The following CACNA1C variants were observed in gnomAD, a reference collection of about 807,000 sequenced individuals.
CACNA1C encodes voltage-dependent L-type calcium channel subunit alpha-1C.
A neutral mutation model predicts 229.0 loss-of-function variants in CACNA1C; 30 were observed. The observed-to-expected ratio is 0.13, with a 90% CI of 0.10 to 0.18. The LOEUF is 0.18. CACNA1C is among the 10% of genes least tolerant of loss of function. The probability of loss-of-function intolerance (pLI) is 1.00; values close to 1 mark genes in which losing one functional copy is unlikely to be tolerated. For synonymous variants in CACNA1C, 1,114 were observed against 1,132.5 expected (o/e 0.98, Z 0.33); for missense variants, 1,658 against 2,845.0 (o/e 0.58, Z 9.49).
chr12:2,626,292 G>C (rs1375614007), intron 29 of CACNA1C, among the ~76,000 whole-genome samples: 1 of 152,172 alleles, frequency 6.6e-6, no homozygotes, highest in Non-Finnish European at 1.5e-5. Context: ...GTGACAGGAT[G>C]GGCTGTGGGA....
chr12:2,545,580 T>C (rs2099879631), intron 9 of CACNA1C, among the ~76,000 whole-genome samples: 1 of 152,160 alleles, frequency 6.6e-6, no homozygotes, highest in Non-Finnish European at 1.5e-5. Context: ...TAACATCCTT[T>C]CCATAGTCTA....
chr12:2,077,166 GAGTTTC>G (rs1271484648), intron 1 of CACNA1C, among the ~76,000 whole-genome samples: 1 of 152,264 alleles, frequency 6.6e-6, no homozygotes, highest in Non-Finnish European at 1.5e-5. Flanking sequence ...AGGTTGATGA[GAGTTTC>G]AGGCATGTTG....
chr12:2,050,358 G>T (rs1382032965), upstream of CACNA1C, among the ~76,000 whole-genome samples: 1 of 152,184 alleles, frequency 6.6e-6, no homozygotes. Context: ...GTAAAATGGG[G>T]ATAATCATGA....
At chr12:1,996,527 G>A (rs2040826847) in intron 1 of CACNA1C, among the ~76,000 whole-genome samples, 1 of 146,186 alleles carries the variant, frequency 6.8e-6, no homozygotes, top group African/African-American at 2.5e-5. Flanking sequence ...AAGCAGGGGT[G>A]TCCAATCTTT....
chr12:2,594,004 C>A (rs1265306463), intron 19 of CACNA1C, among the ~76,000 whole-genome samples: 4 of 152,230 alleles, frequency 2.6e-5, no homozygotes, highest in African/African-American at 9.6e-5. Flanking sequence ...CGATTTTAGA[C>A]AGACAATTTT....
intron 3 of CACNA1C, among the ~76,000 whole-genome samples, chr12:2,347,669 T>A (rs1417001106): frequency 6.6e-6 from 1 of 152,172 alleles, no homozygotes; most frequent in African/African-American, 2.4e-5. Flanking sequence ...GCCTTTGGGA[T>A]TTGTGGGAGG....
rs1035483143 is a variant in CACNA1C, at chr12:2,550,165, A to G, written c.1481+132A>G. ...GATTAGAGCCGGTGGCAAGAAACAAACCTCAGGTGGGAACCAAGATGGGGA... is the reference window on the plus strand; with the variant it reads ...GATTAGAGCCGGTGGCAAGAAACAAGCCTCAGGTGGGAACCAAGATGGGGA... On this transcript the variant is annotated intron_variant, in intron 10 of 46. Transcript: ENST00000399655. 9.7e-6 allele frequency: 7 copies of G among 725,168 alleles called. No homozygotes were observed. In the African/African-American group the frequency reaches 1.2e-4, roughly 13 times the overall value. The allele number at this position is 725,168 out of a possible 1,614,324, so 44.9% of individuals were successfully genotyped here. A position where few individuals can be genotyped will look rare whatever the true frequency, so the allele number is the denominator to read the frequency against.
At chr12:2,097,312 AT>A (rs767996541) in intron 1 of CACNA1C, among the ~76,000 whole-genome samples, 74 of 151,636 alleles carry the variant, frequency 4.9e-4, no homozygotes, top group East Asian at 1.8e-3. Flanking sequence ...CGCCCAGCTA[AT>A]TTTTTTGTAT....
At chr12:2,543,644 A>G (rs1470363423) in intron 9 of CACNA1C, among the ~76,000 whole-genome samples, 3 of 152,228 alleles carry the variant, frequency 2.0e-5, no homozygotes, top group Non-Finnish European at 2.9e-5. Flanking sequence ...TTTTTATTTC[A>G]GAAAGGAACC....
At position 2,069,625 on chromosome 12, in the gene CACNA1C, G is replaced by A. The variant is rs774889987; in HGVS notation, c.49+16014G>A. On this transcript the variant is annotated intron_variant, in intron 1 of 46. Coordinates refer to ENST00000399655, the MANE Select transcript of CACNA1C (RefSeq NM_000719.7). ...TGTTCGAACCATTTAATTTTCCCAT[G>A]TCTAGGATTCTGCATCTGACCTTCC... Among the ~76,000 whole-genome samples, 51 of 152,176 alleles carry A rather than the reference G, an allele frequency of 3.4e-4. 1 individual carries two copies. Among genetic ancestry groups the A allele is most frequent in the Non-Finnish European group, 4.4e-5 (3 of 68,042 alleles).
At chr12:2,339,577 CTCTT>C (rs555495123) in intron 3 of CACNA1C, among the ~76,000 whole-genome samples, 37 of 152,296 alleles carry the variant, frequency 2.4e-4, no homozygotes, top group African/African-American at 8.2e-4. Context: ...CAAAAATACT[CTCTT>C]TATATCCTTT....
chr12:2,068,669 T>C (rs1347911110), intron 1 of CACNA1C, among the ~76,000 whole-genome samples: 1 of 152,234 alleles, frequency 6.6e-6, no homozygotes, highest in African/African-American at 2.4e-5. Flanking sequence ...TAGTCTTCTG[T>C]GTGCCTTGCC....
At chr12:2,446,961 C>T (rs2099301001) in intron 3 of CACNA1C, among the ~76,000 whole-genome samples, 1 of 152,152 alleles carries the variant, frequency 6.6e-6, no homozygotes, top group Non-Finnish European at 1.5e-5. Context: ...GGATACCCAA[C>T]TTGTGTGTTT....
At chr12:2,323,767 G>A (rs939130527) in intron 3 of CACNA1C, among the ~76,000 whole-genome samples, 3 of 152,192 alleles carry the variant, frequency 2.0e-5, no homozygotes, top group Non-Finnish European at 1.5e-5. Flanking sequence ...TAACTTCAGG[G>A]TGGGTCTAAT....
At chr12:2,260,292 A>G (rs541155776) in intron 3 of CACNA1C, among the ~76,000 whole-genome samples, 10 of 152,050 alleles carry the variant, frequency 6.6e-5, no homozygotes, top group Non-Finnish European at 1.3e-4. Flanking sequence ...CCTGGGCAAG[A>G]TGGTGGGACC....
intron 3 of CACNA1C, among the ~76,000 whole-genome samples, chr12:2,170,790 C>T (rs1012279554): frequency 1.3e-5 from 2 of 152,240 alleles, no homozygotes; most frequent in Admixed American, 6.5e-5. Context: ...TACCTCAGTA[C>T]GTACCACAAT....
rs572741120 is a variant in CACNA1C, at chr12:2,125,704, G to A, written c.477+5274G>A. On this transcript the variant is annotated intron_variant, in intron 3 of 46. Transcript: ENST00000399655. ...TTGAATTTTTAATAAGCTCCCCTGG[G>A]GTTCTGATGCAAGTGGTCCTGGGCT... Among the ~76,000 whole-genome samples, 293 of 152,182 alleles carry A rather than the reference G, an allele frequency of 1.9e-3. 2 individuals are homozygous for A. Among genetic ancestry groups the A allele is most frequent in the African/African-American group, 6.6e-3 (276 of 41,518 alleles).
chr12:2,353,905 G>A (rs1309214778), intron 3 of CACNA1C, among the ~76,000 whole-genome samples: 2 of 152,196 alleles, frequency 1.3e-5, no homozygotes, highest in African/African-American at 4.8e-5. Flanking sequence ...GGGCTGTGGT[G>A]CTGCACTGTC....
At chr12:2,513,789 C>G (rs984247022) in intron 9 of CACNA1C, among the ~76,000 whole-genome samples, 5 of 152,162 alleles carry the variant, frequency 3.3e-5, no homozygotes, top group Admixed American at 6.5e-5. Flanking sequence ...GTCTTGGGCC[C>G]CACTCCAGAT....
Sources: gnomAD v4.1 joint callset for allele counts (sites outside exome capture counted in the v4.1 genomes callset) on GRCh38, gnomAD v4.1.1 for gene constraint, MANE v1.5 for transcripts, NCBI Gene and HGNC (gene_info 2026-07-23, HGNC 2026-07-21) for gene names.